The following NRIP1 variants were observed in gnomAD, a reference collection of about 807,000 sequenced individuals.
NRIP1 encodes nuclear receptor interacting protein 1, also known as nuclear receptor-interacting protein 1.
Under a neutral mutation model 75.0 loss-of-function variants are expected in NRIP1, and 28 were observed. That is an observed-to-expected ratio of 0.37 (90% CI 0.28 to 0.51). The LOEUF is 0.51. Ranked by LOEUF, NRIP1 falls within the 20% of genes least tolerant of loss-of-function variation. The probability of loss-of-function intolerance (pLI) is 0.92; values close to 1 mark genes in which losing one functional copy is unlikely to be tolerated. For synonymous variants in NRIP1, 526 were observed against 487.6 expected (o/e 1.08, Z -1.04); for missense variants, 1,435 against 1,343.7 (o/e 1.07, Z -1.06).
chr21:15,033,336 C>T (rs2088755936), intron 2 of NRIP1, among the ~76,000 whole-genome samples: 1 of 150,980 alleles, frequency 6.6e-6, no homozygotes, highest in South Asian at 2.1e-4. Context: ...AATTTATTTC[C>T]ATTTTACAGA....
At chr21:15,002,777 T>C (rs2087878353) in intron 3 of NRIP1, among the ~76,000 whole-genome samples, 1 of 152,198 alleles carries the variant, frequency 6.6e-6, no homozygotes, top group South Asian at 2.1e-4. Flanking sequence ...GGTATTAACA[T>C]AGGGTTAATA....
chr21:15,045,145 C>T (rs572963891), intron 1 of NRIP1, among the ~76,000 whole-genome samples: 10 of 152,298 alleles, frequency 6.6e-5, no homozygotes, highest in East Asian at 3.9e-4. Context: ...CTAATCCCCC[C>T]GGCCCAGACA....
intron 2 of NRIP1, among the ~76,000 whole-genome samples, chr21:15,036,596 G>T (rs572442878): frequency 3.3e-5 from 5 of 151,112 alleles, no homozygotes; most frequent in Non-Finnish European, 7.4e-5. Context: ...GGGTTTTTTT[G>T]GAGGGGGGGA....
chr21:15,061,950 G>T (rs2089432319), intron 1 of NRIP1, among the ~76,000 whole-genome samples: 1 of 152,160 alleles, frequency 6.6e-6, no homozygotes, highest in African/African-American at 2.4e-5. Context: ...GGCATATTTT[G>T]CCTCATCTGT....
intron 2 of NRIP1, among the ~76,000 whole-genome samples, chr21:15,032,953 C>T (rs1205801142): frequency 6.6e-6 from 1 of 152,088 alleles, no homozygotes; most frequent in East Asian, 1.9e-4. Context: ...TCACCGGGCG[C>T]GGTGGCTCAC....
At chr21:14,982,245 A>G (rs1224875219) in intron 3 of NRIP1, among the ~76,000 whole-genome samples, 2 of 152,124 alleles carry the variant, frequency 1.3e-5, no homozygotes, top group African/African-American at 2.4e-5. Flanking sequence ...CTTGATTTCA[A>G]TTATCACATT....
In NRIP1 at chr21:14,966,770, C is replaced by T. The variant is rs1281783541; in HGVS notation, c.1423G>A (p.Val475Ile). 1.2e-6 allele frequency: 2 copies of T among 1,614,050 alleles called. No homozygotes were observed. The change falls in exon 4 of 4, where the codon GTC (valine) becomes ATC (isoleucine). Residue 475 changes from valine (V) to isoleucine (I), a missense_variant. Val to Ile is a conservative substitution (Grantham distance 29). Coordinates refer to ENST00000318948, the MANE Select transcript of NRIP1 (RefSeq NM_003489.4). ...QSLLNTWDPK[V>I]PDVDIKEDQD... is the part of the protein sequence containing the mutation. ...TCTTCTTTGATATCTACATCTGGGA[C>T]TTTTGGATCCCAAGTGTTTAGCAAG...
intron 2 of NRIP1, among the ~76,000 whole-genome samples, chr21:15,020,111 A>C (rs994172204): frequency 6.6e-6 from 1 of 152,206 alleles, no homozygotes; most frequent in Non-Finnish European, 1.5e-5. Flanking sequence ...ATTGGTCCTA[A>C]AATATATATG....
At chr21:15,038,242 T>C (rs1377691041) in intron 2 of NRIP1, among the ~76,000 whole-genome samples, 5 of 152,110 alleles carry the variant, frequency 3.3e-5, no homozygotes, top group African/African-American at 1.2e-4. Context: ...CATAACTTGG[T>C]ATGTCTTTAA....
chr21:15,039,253 G>A (rs2088899367), intron 2 of NRIP1, among the ~76,000 whole-genome samples: 1 of 152,092 alleles, frequency 6.6e-6, no homozygotes, highest in Non-Finnish European at 1.5e-5. Flanking sequence ...TGTGGAGGTA[G>A]TATTATCAAA....
At chr21:15,057,538 A>G (rs1223091084) in intron 1 of NRIP1, among the ~76,000 whole-genome samples, 1 of 152,198 alleles carries the variant, frequency 6.6e-6, no homozygotes, top group Non-Finnish European at 1.5e-5. Flanking sequence ...ACTGGCAACA[A>G]TGTGCCTTCC....
At chr21:15,018,947 T>C (rs529276272) in intron 2 of NRIP1, among the ~76,000 whole-genome samples, 2 of 152,220 alleles carry the variant, frequency 1.3e-5, no homozygotes, top group Admixed American at 1.3e-4. Flanking sequence ...TTAATTATTA[T>C]ACAGCTGTAG....
intron 1 of NRIP1, among the ~76,000 whole-genome samples, chr21:15,062,108 T>C (rs115660958): frequency 0.023 from 3,444 of 152,282 alleles, 113 homozygotes; most frequent in African/African-American, 0.077. Flanking sequence ...TTGGAGGCCA[T>C]CTTTCTCTCA....
intron 3 of NRIP1, among the ~76,000 whole-genome samples, chr21:15,013,435 T>C (rs1187959132): frequency 6.6e-6 from 1 of 152,196 alleles, no homozygotes; most frequent in Non-Finnish European, 1.5e-5. Context: ...TTTGAAACAC[T>C]GTGGTCAGGT....
intron 3 of NRIP1, among the ~76,000 whole-genome samples, chr21:15,007,387 C>G (rs1056532368): frequency 2.6e-5 from 4 of 152,010 alleles, no homozygotes; most frequent in Non-Finnish European, 4.4e-5. Context: ...ATAAACAGTG[C>G]TATAAGATAG....
chr21:14,988,357 A>AT (rs979013696), intron 3 of NRIP1, among the ~76,000 whole-genome samples: 1 of 151,824 alleles, frequency 6.6e-6, no homozygotes, highest in East Asian at 1.9e-4. Context: ...CTCAAACAAA[A>AT]TTTTTTTTGA....
In NRIP1 at chr21:15,054,148, A is replaced by G. The variant is rs75146092; in HGVS notation, c.-537-10574T>C. Among the ~76,000 whole-genome samples, 1,271 of 152,314 alleles carry G rather than the reference A, an allele frequency of 8.3e-3. 13 individuals carry two copies. Among genetic ancestry groups the G allele is most frequent in the African/African-American group, 0.028 (1,143 of 41,560 alleles). The stretch of plus-strand genomic sequence containing the variant: ...TGGGCTTCATATACTACTTAATCCC[A>G]TAACTTACCAAGTTCTGAATCATCA... On this transcript the variant is annotated intron_variant, in intron 1 of 3. Coordinates refer to ENST00000318948, the MANE Select transcript of NRIP1 (RefSeq NM_003489.4).
At chr21:15,000,983 T>G (rs913557159) in intron 3 of NRIP1, among the ~76,000 whole-genome samples, 2 of 152,156 alleles carry the variant, frequency 1.3e-5, no homozygotes, top group African/African-American at 4.8e-5. Context: ...CTTCTTCACT[T>G]GGTCATTTTC....
rs774048639 is a variant in NRIP1 at position 14,966,314 on chromosome 21, C to T, written c.1879G>A (p.Ala627Thr). ...GCTAAATTTTGTAACAGCTTACTGG[C>T]ACTAAACGTTGCAGAGTTCTGTGCA... ...EGAQNSATFS[A>T]SKLLQNLAQC... The change falls in exon 4 of 4, where the codon GCC (alanine) becomes ACC (threonine). Residue 627 changes from alanine to threonine, a missense_variant. Coordinates refer to ENST00000318948, the MANE Select transcript of NRIP1 (RefSeq NM_003489.4). 1 of 1,614,088 alleles carries T rather than the reference C, an allele frequency of 6.2e-7. No individual in the cohort carries two copies. The highest frequency in any genetic ancestry group is 8.5e-7 in the Non-Finnish European group (1 of 1,179,982).
Sources: gnomAD v4.1 joint callset for allele counts (sites outside exome capture counted in the v4.1 genomes callset) on GRCh38, gnomAD v4.1.1 for gene constraint, MANE v1.5 for transcripts, NCBI Gene and HGNC (gene_info 2026-07-23, HGNC 2026-07-21) for gene names.